GCN1: variants seen among roughly 807,000 people sequenced by gnomAD.
The protein encoded by GCN1 is GCN1 activator of EIF2AK4, also known as stalled ribosome sensor GCN1.
Under a neutral mutation model 288.4 loss-of-function variants are expected in GCN1, and 90 were observed. The observed-to-expected ratio is 0.31, with a 90% CI of 0.26 to 0.37. The LOEUF (loss-of-function observed/expected upper bound fraction) is 0.37, where lower values mean the gene tolerates loss of function less well. GCN1 is among the 10% of genes least tolerant of loss of function. The probability of loss-of-function intolerance (pLI) is 1.00; values close to 1 mark genes in which losing one functional copy is unlikely to be tolerated. For synonymous variants in GCN1, 1,386 were observed against 1,420.2 expected (o/e 0.98, Z 0.54); for missense variants, 2,586 against 3,419.9 (o/e 0.76, Z 6.08).
rs1224455053 is a variant in GCN1 at position 120,144,371 on chromosome 12, C to T, written c.5430G>A (p.Glu1810=). The T allele has an allele frequency of 2.5e-6, 4 of 1,614,134 alleles. No individual in the cohort carries two copies. The highest frequency in any genetic ancestry group is 1.3e-5 in the African/African-American group (1 of 74,954). ...AGQRVISMYA[E]TAIALLLPQL... is the part of the protein sequence containing the mutation. ...GGGGCAGCAGCAGGGCGATGGCTGT[C>T]TCAGCGTACATGGAGATAACCCGCT... The change falls in exon 42 of 58, where the codon GAG becomes GAA. Residue 1810 remains glutamate, a synonymous_variant. Coordinates refer to ENST00000300648, the MANE Select transcript of GCN1 (RefSeq NM_006836.2). This position sits in a 1 kb window ranked among gnomAD's most constrained non-coding sequence, Gnocchi z 4.7.
chr12:120,137,565 C>G lies in GCN1; in HGVS notation c.6643G>C (p.Ala2215Pro). The G allele has an allele frequency of 6.2e-7, 1 of 1,614,144 alleles. No homozygotes were observed. Among genetic ancestry groups the G allele is most frequent in the South Asian group, 1.1e-5 (1 of 91,088 alleles). Residue 2215 changes from alanine to proline, a missense_variant, in exon 49 of 58, where the codon GCC (alanine) becomes CCC (proline). Ala to Pro is a conservative substitution (Grantham distance 27, BLOSUM62 -1). Around this residue, in one of 8 missense-constraint regions of GCN1, gnomAD observed 437 missense variants for 570.5 expected, o/e 0.77. Transcript: ENST00000300648. This position sits in a 1 kb window ranked among gnomAD's most constrained non-coding sequence, Gnocchi z 5.2. Reference protein sequence around the residue: ...SPVVLEESWDALNAITKKLDA... With the variant: ...SPVVLEESWDPLNAITKKLDA... Reference sequence around the variant, plus strand: ...CTCACCTTAGTGATGGCATTTAGGGCATCCCAGCTCTCCTCCAGAACCACA... The same window carrying G: ...CTCACCTTAGTGATGGCATTTAGGGGATCCCAGCTCTCCTCCAGAACCACA...
chr12:120,145,296 C>A lies in GCN1; in HGVS notation c.4982G>T (p.Gly1661Val). 1 of 1,601,804 alleles carries A rather than the reference C, an allele frequency of 6.2e-7. No individual in the cohort carries two copies. The highest frequency in any genetic ancestry group is 8.5e-7 in the Non-Finnish European group (1 of 1,174,024). The stretch of plus-strand genomic sequence containing the variant: ...AGGGTCCAAAAGCGATGCTTTCAGG[C>A]CAGGCGTCACGCTGGGCAGGTACGG... ...LAPYLPSVTP[G>V]LKASLLDPVP... Residue 1661 changes from glycine to valine, a missense_variant, in exon 39 of 58, where the codon GGC (glycine) becomes GTC (valine). Gly to Val is a moderately radical substitution (Grantham distance 109). This residue lies in a region of GCN1 where 371 missense variants were observed against 572.6 expected (regional missense o/e 0.65). Transcript: ENST00000300648.
intron 21 of GCN1, 82 bp from the exon 22 acceptor site, chr12:120,161,665 C>T (rs1594275716): frequency 9.2e-7 from 1 of 1,090,274 alleles, no homozygotes; most frequent in African/African-American, 1.5e-5. Flanking sequence ...GCAATTCCAA[C>T]TAGCTGTTAA....
In GCN1 at chr12:120,160,422, A is replaced by G. The variant is rs79323598; in HGVS notation, c.2437-167T>C. 9.1e-3 allele frequency: 5,461 copies of G among 602,656 alleles called. 223 individuals carry two copies. The highest frequency in any genetic ancestry group is 0.086 in the African/African-American group (4,678 of 54,098). The allele number at this position is 602,656 out of a possible 1,614,324, so 37.3% of individuals were successfully genotyped here. A position where few individuals can be genotyped will look rare whatever the true frequency, so the allele number is the denominator to read the frequency against. On this transcript the variant is annotated intron_variant, in intron 22 of 57. Coordinates refer to ENST00000300648, the MANE Select transcript of GCN1 (RefSeq NM_006836.2). Reference sequence around the variant, plus strand: ...ACCCCCAACCTCCCACAAAGTCCACAGCCACCTGGTTTCTATAGAATGGAG... The same window carrying G: ...ACCCCCAACCTCCCACAAAGTCCACGGCCACCTGGTTTCTATAGAATGGAG...
rs1033124706 is a variant in GCN1 at position 120,153,534 on chromosome 12, G to A, written c.3868-127C>T. ...CAGGCATCCTGACATGCCAGCCAGTGGCTCTTCCAGTTTTCTGGCAGGACT... is the reference window on the plus strand; with the variant it reads ...CAGGCATCCTGACATGCCAGCCAGTAGCTCTTCCAGTTTTCTGGCAGGACT... On this transcript the variant is annotated intron_variant, in intron 32 of 57. Coordinates refer to ENST00000300648, the MANE Select transcript of GCN1 (RefSeq NM_006836.2). The surrounding 1 kb of genome is among the most constrained non-coding windows in gnomAD (Gnocchi z 4.4). 16 of 913,442 alleles carry A rather than the reference G, an allele frequency of 1.8e-5. No homozygotes were observed. In the Middle Eastern group the frequency reaches 1.3e-3, roughly 75 times the overall value. 56.6% of individuals were successfully genotyped at this position (913,442 alleles called of 1,614,324 possible).
intron 34 of GCN1, among the ~76,000 whole-genome samples, chr12:120,150,533 T>C (rs1315386712): frequency 6.6e-6 from 1 of 151,284 alleles, no homozygotes; most frequent in Non-Finnish European, 1.5e-5. Flanking sequence ...AGGTGAAGAT[T>C]GCAGTGAGCC....
At chr12:120,160,648 G>C (rs1412287350) in intron 22 of GCN1, among the ~76,000 whole-genome samples, 1 of 152,178 alleles carries the variant, frequency 6.6e-6, no homozygotes, top group African/African-American at 2.4e-5. Flanking sequence ...CTGAAGCTTA[G>C]AAAAGGCCTG....
At chr12:120,172,323 T>C (rs954978181) in intron 14 of GCN1, among the ~76,000 whole-genome samples, 4 of 152,230 alleles carry the variant, frequency 2.6e-5, no homozygotes, top group Non-Finnish European at 5.9e-5. Flanking sequence ...AGATGATCTA[T>C]GATTCTGAGC....
In GCN1 at chr12:120,142,661, C is replaced by T; in HGVS notation, c.5675G>A (p.Gly1892Asp). Residue 1892 changes from glycine (G) to aspartate (D), a missense_variant, in exon 44 of 58, where the codon GGC becomes GAC. Physicochemically the swap from Gly to Asp is moderately conservative, Grantham distance 94. This residue lies in a region of GCN1 where 437 missense variants were observed against 570.5 expected (regional missense o/e 0.77). Transcript: ENST00000300648. This position sits in a 1 kb window ranked among gnomAD's most constrained non-coding sequence, Gnocchi z 4.9. Reference protein sequence around the residue: ...RNRVLAGLYMGRSDTQLVVRQ... With the variant: ...RNRVLAGLYMDRSDTQLVVRQ... ...CACCACCAGCTGGGTGTCTGAGCGG[C>T]CCATGTACAGCCCTGCCAACACCCG... is the stretch of plus-strand genomic sequence containing the variant. 1 of 1,614,082 alleles carries T rather than the reference C, an allele frequency of 6.2e-7. No individual in the cohort carries two copies. The highest frequency in any genetic ancestry group is 8.5e-7 in the Non-Finnish European group (1 of 1,180,028).
In GCN1 at chr12:120,150,319, G is replaced by A. The variant is rs192893734; in HGVS notation, c.4310-276C>T. 3.6e-4 allele frequency among the ~76,000 whole-genome samples: 55 copies of A among 152,272 alleles called. 1 individual carries two copies. Among genetic ancestry groups the A allele is most frequent in the Admixed American group, 2.8e-3 (43 of 15,296 alleles). ...CAGTTAAAAAAGCCAAACCTTGGCC[G>A]GGCGCGGTGGCTCACACCCATAATC... On this transcript the variant is annotated intron_variant, in intron 34 of 57. Transcript: ENST00000300648.
chr12:120,162,237 T>C, intron 20 of GCN1, 179 bp from the exon 21 acceptor site: 1 of 601,476 alleles, frequency 1.7e-6, no homozygotes, highest in South Asian at 2.0e-5. Context: ...CACCAAGCAG[T>C]GCTCCTCTGT....
At position 120,131,981 on chromosome 12, in the gene GCN1, C is replaced by T. The variant is rs761936541; in HGVS notation, c.7359G>A (p.Leu2453=). The T allele has an allele frequency of 3.1e-6, 5 of 1,605,068 alleles. No homozygotes were observed. The South Asian group carries it at 5.6e-5, about 18-fold the overall frequency. Reference sequence around the variant, plus strand: ...GCTCCTCTTCAGTCAAAAAGGCACACAGTTCCCCTAGGCACCCGGCTGAGG... The same window carrying T: ...GCTCCTCTTCAGTCAAAAAGGCACATAGTTCCCCTAGGCACCCGGCTGAGG... The part of the protein sequence containing the change: ...RISSAGCLGE[L]CAFLTEEELS... Residue 2453 remains leucine (L), a synonymous_variant, in exon 54 of 58, where the codon CTG becomes CTA. Coordinates refer to ENST00000300648, the MANE Select transcript of GCN1 (RefSeq NM_006836.2).
In GCN1 at chr12:120,133,791, G is replaced by A. The variant is rs189818135; in HGVS notation, c.7317+500C>T. 1.6e-4 allele frequency among the ~76,000 whole-genome samples: 24 copies of A among 152,300 alleles called. No individual in the cohort carries two copies. The East Asian group carries it at 4.1e-3, about 26-fold the overall frequency. On this transcript the variant is annotated intron_variant, in intron 53 of 57. Transcript: ENST00000300648. ...ATCTATAAAATAGAAATAACCGGCC[G>A]GGCGCGGTGGCTCATGCCTGTTAAT...
chr12:120,158,608 C>T lies in GCN1; in HGVS notation c.2757G>A (p.Leu919=). ...MPSRLKALGT[L]VSHVTLRLLK... The stretch of plus-strand genomic sequence containing the variant: ...GCAGGCGCAGGGTCACGTGGCTCAC[C>T]AAAGTGCCTGTGTTGAAGAGGAGAG... Residue 919 remains leucine (L), a synonymous_variant, in exon 25 of 58, where the codon TTG becomes TTA. Coordinates refer to ENST00000300648, the MANE Select transcript of GCN1 (RefSeq NM_006836.2). This position sits in a 1 kb window ranked among gnomAD's most constrained non-coding sequence, Gnocchi z 4.3. 6.2e-7 allele frequency: 1 copy of T among 1,604,900 alleles called. No homozygotes were observed. Among genetic ancestry groups the T allele is most frequent in the Non-Finnish European group, 8.5e-7 (1 of 1,175,426 alleles).
At chr12:120,161,009 C>T (rs545224565) in intron 22 of GCN1, among the ~76,000 whole-genome samples, 2 of 152,298 alleles carry the variant, frequency 1.3e-5, no homozygotes, top group African/African-American at 4.8e-5. Context: ...CAAGAAGAAT[C>T]CTGCCTTGTA....
At chr12:120,167,569 T>TA (rs372723694) in intron 16 of GCN1, among the ~76,000 whole-genome samples, 4 of 152,226 alleles carry the variant, frequency 2.6e-5, no homozygotes, top group African/African-American at 9.6e-5. Flanking sequence ...AGGAACTGGG[T>TA]AGCCAGAGAT....
intron 57 of GCN1, among the ~76,000 whole-genome samples, chr12:120,128,743 T>C (rs1347672087): frequency 1.3e-5 from 2 of 151,968 alleles, no homozygotes; most frequent in East Asian, 3.9e-4. Flanking sequence ...TTGGGTGTCA[T>C]GTGAGATTTT....
At chr12:120,188,504 C>T (rs1386087937) in intron 2 of GCN1, among the ~76,000 whole-genome samples, 1 of 150,780 alleles carries the variant, frequency 6.6e-6, no homozygotes, top group African/African-American at 2.4e-5. Context: ...TGGCCAATCA[C>T]CTACTACCAT....
chr12:120,151,550 GTA>G (rs1279024888), intron 33 of GCN1, among the ~76,000 whole-genome samples, 159 bp from the exon 34 acceptor site: 1 of 152,188 alleles, frequency 6.6e-6, no homozygotes, highest in African/African-American at 2.4e-5. Context: ...AAGCAAACAG[GTA>G]TACACAGTGT....
Sources: gnomAD v4.1 joint callset for allele counts (sites outside exome capture counted in the v4.1 genomes callset) on GRCh38, gnomAD v4.1.1 for gene constraint, gnomAD v4.1.1 regional missense constraint, Gnocchi (gnomAD v3.1) non-coding constraint, MANE v1.5 for transcripts, NCBI Gene and HGNC (gene_info 2026-07-23, HGNC 2026-07-21) for gene names.